ANKRD55: variants seen among roughly 807,000 people sequenced by gnomAD.
The protein encoded by ANKRD55 is ankyrin repeat domain 55.
In ANKRD55, 41 loss-of-function variants were observed where a neutral mutation model predicts 60.6. The observed-to-expected ratio is 0.68, with a 90% CI of 0.53 to 0.88. The LOEUF is 0.88. ANKRD55 is among the 40% of genes least tolerant of loss of function. The probability of loss-of-function intolerance (pLI) is 0.00; values close to 1 mark genes in which losing one functional copy is unlikely to be tolerated. For missense variants in ANKRD55, 732 were observed against 767.6 expected, an observed-to-expected ratio of 0.95 and a Z score of 0.55; for synonymous variants, 264 against 290.3, an observed-to-expected ratio of 0.91 and a Z score of 0.92.
At chr5:56,125,166 C>CT (rs1304929978) in intron 8 of ANKRD55, among the ~76,000 whole-genome samples, 1 of 152,012 alleles carries the variant, frequency 6.6e-6, no homozygotes, top group African/African-American at 2.4e-5. Context: ...GAAATTTGTT[C>CT]TTTTTTTAAA....
At chr5:56,170,328 T>C in intron 5 of ANKRD55, among the ~76,000 whole-genome samples, 1 of 152,198 alleles carries the variant, frequency 6.6e-6, no homozygotes, top group East Asian at 1.9e-4. Context: ...AGAGACTCTG[T>C]TTTATTTACT....
intron 2 of ANKRD55, among the ~76,000 whole-genome samples, chr5:56,196,852 C>T (rs160011): frequency 0.17 from 25,919 of 152,034 alleles, 2,685 homozygotes; most frequent in East Asian, 0.38. Flanking sequence ...TACCAAATAC[C>T]CTAGGACAGT....
At chr5:56,197,549 A>G (rs1318751722) in intron 2 of ANKRD55, among the ~76,000 whole-genome samples, 1 of 152,214 alleles carries the variant, frequency 6.6e-6, no homozygotes, top group Admixed American at 6.5e-5. Context: ...AGATTTCATG[A>G]TGATGATGTA....
intron 2 of ANKRD55, among the ~76,000 whole-genome samples, chr5:56,217,227 C>T (rs1216768269): frequency 6.6e-6 from 1 of 152,220 alleles, no homozygotes; most frequent in Admixed American, 6.5e-5. Flanking sequence ...TTTAAGCCTA[C>T]TATTGAGACC....
chr5:56,166,158 T>TTTCTTTCTTTCTTCC (rs1554040812), intron 5 of ANKRD55, among the ~76,000 whole-genome samples: 2 of 72,436 alleles, frequency 2.8e-5, no homozygotes, highest in Non-Finnish European at 5.2e-5. Flanking sequence ...TTCTTTCTTC[T>TTTCTTTCTTTCTTCC]TTCCTTCCTT....
At chr5:56,224,915 C>T (rs1258782850) in intron 2 of ANKRD55, among the ~76,000 whole-genome samples, 2 of 152,176 alleles carry the variant, frequency 1.3e-5, no homozygotes, top group Non-Finnish European at 2.9e-5. Flanking sequence ...CAAAAAGGAG[C>T]TGGTACCATT....
rs189469359 is a variant in ANKRD55, at chr5:56,218,850, A to G, written c.58+14006T>C. On this transcript the variant is annotated intron_variant, in intron 2 of 11. Transcript: ENST00000341048. Reference sequence around the variant, plus strand: ...GAGGGAAGGAGTGAGGGAGACAGAGACAGAAAGAGCAAATGATAAAGCAAA... The same window carrying G: ...GAGGGAAGGAGTGAGGGAGACAGAGGCAGAAAGAGCAAATGATAAAGCAAA... Among the ~76,000 whole-genome samples, 140 of 152,326 alleles carry G rather than the reference A, an allele frequency of 9.2e-4. 2 individuals are homozygous for G. In the Middle Eastern group the frequency reaches 0.021, roughly 22 times the overall value.
chr5:56,109,757 C>G (rs1756616530), intron 10 of ANKRD55, among the ~76,000 whole-genome samples: 1 of 152,154 alleles, frequency 6.6e-6, no homozygotes, highest in Non-Finnish European at 1.5e-5. Flanking sequence ...CGCGGTGGCT[C>G]ACGCCTGTAA....
At chr5:56,232,705 C>T (rs1395288240) in intron 2 of ANKRD55, 151 bp downstream of exon 2, 2 of 682,442 alleles carry the variant, frequency 2.9e-6, no homozygotes, top group Non-Finnish European at 4.9e-6. Context: ...CCTCTTTCCA[C>T]ATCCTACATA....
chr5:56,101,803 T>C (rs946874123), intron 11 of ANKRD55, among the ~76,000 whole-genome samples: 5 of 152,068 alleles, frequency 3.3e-5, no homozygotes, highest in African/African-American at 1.2e-4. Context: ...TGCTTAGGAA[T>C]GCATGGACTG....
At chr5:56,115,670 C>T (rs1206434485) in intron 9 of ANKRD55, among the ~76,000 whole-genome samples, 1 of 151,638 alleles carries the variant, frequency 6.6e-6, no homozygotes, top group Non-Finnish European at 1.5e-5. Flanking sequence ...AGAGAGTTGC[C>T]AAAAATATAA....
chr5:56,165,360 T>G (rs1363574826), intron 5 of ANKRD55, among the ~76,000 whole-genome samples: 1 of 152,204 alleles, frequency 6.6e-6, no homozygotes, highest in Non-Finnish European at 1.5e-5. Flanking sequence ...GACCTGAGTG[T>G]GCTGAGGTGA....
intron 7 of ANKRD55, among the ~76,000 whole-genome samples, chr5:56,138,887 CATG>C (rs1757680017): frequency 2.0e-5 from 3 of 152,094 alleles, no homozygotes; most frequent in African/African-American, 2.4e-5. Context: ...AGGTATTCCG[CATG>C]ATACTTTAAT....
intron 2 of ANKRD55, among the ~76,000 whole-genome samples, chr5:56,209,208 C>T (rs1165323167): frequency 1.3e-5 from 2 of 151,916 alleles, no homozygotes; most frequent in Non-Finnish European, 2.9e-5. Context: ...CTACCCCCCT[C>T]GGCCTCCCAA....
intron 7 of ANKRD55, among the ~76,000 whole-genome samples, chr5:56,131,523 C>T (rs983806195): frequency 1.6e-4 from 25 of 151,988 alleles, no homozygotes; most frequent in South Asian, 8.3e-4. Context: ...TTGACGGGTG[C>T]GGTGGCTCAT....
chr5:56,211,400 T>C (rs1299522186), intron 2 of ANKRD55, among the ~76,000 whole-genome samples: 2 of 152,212 alleles, frequency 1.3e-5, no homozygotes, highest in African/African-American at 4.8e-5. Context: ...TTGACTCTTT[T>C]GATTCTCACT....
rs1247190441 is a variant in ANKRD55 at position 56,126,959 on chromosome 5, G to A, written c.760C>T (p.Pro254Ser). The A allele has an allele frequency of 1.2e-6, 2 of 1,613,528 alleles. No individual in the cohort carries two copies. Among genetic ancestry groups the A allele is most frequent in the Admixed American group, 1.7e-5 (1 of 59,974 alleles). ...SDIIHELARV[P>S]ECNLQALDVD... ...TCCAGAGCCTGCAGGTTACACTCAGGGACTCTTGCCAGCTCATGAATAATA... is the reference window on the plus strand; with the variant it reads ...TCCAGAGCCTGCAGGTTACACTCAGAGACTCTTGCCAGCTCATGAATAATA... Residue 254 changes from proline to serine, a missense_variant, in exon 8 of 12, where the codon CCT (proline) becomes TCT (serine). Pro to Ser is a moderately conservative substitution (Grantham distance 74). Around this residue, in one of 3 missense-constraint regions of ANKRD55, gnomAD observed 597 missense variants for 607.5 expected, o/e 0.98. Transcript: ENST00000341048.
intron 6 of ANKRD55, among the ~76,000 whole-genome samples, chr5:56,150,832 G>A (rs1000063585): frequency 6.6e-6 from 1 of 152,214 alleles, no homozygotes; most frequent in African/African-American, 2.4e-5. Flanking sequence ...CCTGGAGGTG[G>A]AGGTTGCAGC....
intron 2 of ANKRD55, among the ~76,000 whole-genome samples, chr5:56,189,865 T>C (rs902808655): frequency 1.3e-5 from 2 of 152,226 alleles, no homozygotes; most frequent in Admixed American, 6.5e-5. Context: ...GATCATGTGA[T>C]AATTCCATTT....
Sources: allele counts gnomAD v4.1 joint callset (sites outside exome capture counted in the v4.1 genomes callset), GRCh38; gene constraint gnomAD v4.1.1; regional missense constraint gnomAD v4.1.1; transcripts MANE v1.5; gene names NCBI Gene and HGNC (gene_info 2026-07-23, HGNC 2026-07-21).